CEP63: variants seen among roughly 807,000 people sequenced by gnomAD.
CEP63 encodes centrosomal protein 63.
A neutral mutation model predicts 89.1 loss-of-function variants in CEP63; 84 were observed. The ratio of observed to expected loss-of-function variants is 0.94; its 90% CI spans 0.79 to 1.13. The LOEUF (loss-of-function observed/expected upper bound fraction) is 1.13. CEP63 is among the 50% of genes most tolerant of loss of function. The pLI is 0.00. For missense variants in CEP63, 838 were observed against 813.3 expected, an observed-to-expected ratio of 1.03 and a Z score of -0.37; for synonymous variants, 267 against 272.5, an observed-to-expected ratio of 0.98 and a Z score of 0.20.
At chr3:134,681,805 G>A in the CEP63 span, among the ~76,000 whole-genome samples, 2 of 152,152 alleles carry the variant, frequency 1.3e-5, no homozygotes, top group African/African-American at 4.8e-5. Flanking sequence ...GATCTCATGC[G>A]GTCCTCACAA....
chr3:134,662,827 C>T, the CEP63 span, among the ~76,000 whole-genome samples: 27 of 152,332 alleles, frequency 1.8e-4, no homozygotes, highest in Admixed American at 7.8e-4. Flanking sequence ...GGTGGGCATG[C>T]ACAGCTATTG....
the CEP63 span, among the ~76,000 whole-genome samples, chr3:134,646,210 C>T: frequency 6.6e-6 from 1 of 152,174 alleles, no homozygotes; most frequent in African/African-American, 2.4e-5. Flanking sequence ...TTAGCTTTGG[C>T]GTCTACTTCA....
chr3:134,638,602 A>C, the CEP63 span, among the ~76,000 whole-genome samples: 1 of 152,332 alleles, frequency 6.6e-6, no homozygotes, highest in Non-Finnish European at 1.5e-5. Flanking sequence ...AATCTTGAGA[A>C]CGGGCTCCCT....
the CEP63 span, among the ~76,000 whole-genome samples, chr3:134,762,066 A>G: frequency 6.6e-6 from 1 of 152,184 alleles, no homozygotes; most frequent in Non-Finnish European, 1.5e-5. Flanking sequence ...TCCCTCAGCT[A>G]TATATAGTGT....
At chr3:134,505,049 C>T (rs1943104470) in intron 2 of CEP63, among the ~76,000 whole-genome samples, 2 of 151,986 alleles carry the variant, frequency 1.3e-5, no homozygotes, top group Non-Finnish European at 2.9e-5. Context: ...TCTGTGTTTT[C>T]TTCTATCTCA....
chr3:134,695,237 C>T, the CEP63 span, among the ~76,000 whole-genome samples: 1 of 152,140 alleles, frequency 6.6e-6, no homozygotes, highest in Non-Finnish European at 1.5e-5. Flanking sequence ...TGTCCTGATT[C>T]CAATCACAGA....
chr3:134,540,058 G>T (rs1951687240), intron 6 of CEP63, among the ~76,000 whole-genome samples: 1 of 152,102 alleles, frequency 6.6e-6, no homozygotes, highest in South Asian at 2.1e-4. Flanking sequence ...AAAAAGTCCT[G>T]AGAGTAGCAA....
chr3:134,724,550 T>G, the CEP63 span, among the ~76,000 whole-genome samples: 1 of 152,192 alleles, frequency 6.6e-6, no homozygotes, highest in Non-Finnish European at 1.5e-5. Context: ...GGTAATGCAG[T>G]AAAAACAAGC....
the CEP63 span, among the ~76,000 whole-genome samples, chr3:134,614,792 A>G: frequency 2.0e-5 from 3 of 152,150 alleles, no homozygotes; most frequent in Admixed American, 2.0e-4. Flanking sequence ...TACAGTCAGT[A>G]CCAAGGCCAG....
chr3:134,758,376 C>G, the CEP63 span, among the ~76,000 whole-genome samples: 1 of 152,190 alleles, frequency 6.6e-6, no homozygotes, highest in Non-Finnish European at 1.5e-5. Context: ...ATGCCTGGCA[C>G]AAAGACAGCC....
chr3:134,705,446 G>A, the CEP63 span, among the ~76,000 whole-genome samples: 1 of 152,142 alleles, frequency 6.6e-6, no homozygotes, highest in Non-Finnish European at 1.5e-5. Flanking sequence ...CATTCATAAA[G>A]GACCTGCCCC....
chr3:134,537,431 C>G (rs1244871525), intron 6 of CEP63, among the ~76,000 whole-genome samples, 163 bp downstream of exon 6: 1 of 152,194 alleles, frequency 6.6e-6, no homozygotes, highest in Non-Finnish European at 1.5e-5. Flanking sequence ...GACTCAGCTC[C>G]TTCTTCCCGC....
intron 11 of CEP63, among the ~76,000 whole-genome samples, chr3:134,571,317 G>A (rs1958000354): frequency 6.6e-6 from 1 of 152,174 alleles, no homozygotes; most frequent in Non-Finnish European, 1.5e-5. Context: ...TTTACCTTCT[G>A]TGTGTCAGGG....
chr3:134,688,638 G>A, the CEP63 span, among the ~76,000 whole-genome samples: 2 of 152,226 alleles, frequency 1.3e-5, no homozygotes, highest in Non-Finnish European at 2.9e-5. Context: ...GGTGCACCAA[G>A]TTGATCACAG....
the CEP63 span, among the ~76,000 whole-genome samples, chr3:134,672,641 C>T: frequency 3.1e-4 from 47 of 152,342 alleles, no homozygotes; most frequent in South Asian, 2.9e-3. Context: ...CTCCCAGTTT[C>T]GTCATAAATG....
the CEP63 span, among the ~76,000 whole-genome samples, chr3:134,707,739 C>CT: frequency 0.012 from 1,395 of 120,416 alleles, 50 homozygotes; most frequent in African/African-American, 0.04. Context: ...TGATTCTTTT[C>CT]TTTTTTTTTT....
At chr3:134,686,601 C>T in the CEP63 span, among the ~76,000 whole-genome samples, 1 of 152,332 alleles carries the variant, frequency 6.6e-6, no homozygotes, top group East Asian at 1.9e-4. Context: ...ATAAGCTTGA[C>T]TCATCCCCAA....
chr3:134,507,365 GAAGA>G (rs1175278699), intron 3 of CEP63, 79 bp downstream of exon 3: 1 of 1,126,548 alleles, frequency 8.9e-7, no homozygotes, highest in Admixed American at 2.2e-5. Context: ...AGTATTTGTT[GAAGA>G]AAGAATTTGT....
At chr3:134,745,151 C>G in the CEP63 span, among the ~76,000 whole-genome samples, 1 of 152,108 alleles carries the variant, frequency 6.6e-6, no homozygotes, top group Admixed American at 6.6e-5. Context: ...GAAACTTTCT[C>G]CGACCATTAA....
Sources: allele counts gnomAD v4.1 joint callset (sites outside exome capture counted in the v4.1 genomes callset), GRCh38; gene constraint gnomAD v4.1.1; transcripts MANE v1.5; gene names NCBI Gene and HGNC (gene_info 2026-07-23, HGNC 2026-07-21).